QTMAN: variants seen among roughly 807,000 people sequenced by gnomAD.
The protein encoded by QTMAN is queuosine-tRNA mannosyltransferase, also known as tRNA-queuosine alpha-mannosyltransferase.
At chr2:143,955,291 T>C in the QTMAN span, among the ~76,000 whole-genome samples, 1 of 152,312 alleles carries the variant, frequency 6.6e-6, no homozygotes, top group African/African-American at 2.4e-5. Context: ...AAAACATTGC[T>C]GCTTTAAGGG....
the QTMAN span, among the ~76,000 whole-genome samples, chr2:144,298,609 G>A: frequency 6.6e-6 from 1 of 152,170 alleles, no homozygotes; most frequent in Admixed American, 6.5e-5. Context: ...CCCAGCACCA[G>A]CCACTGTCAG....
At chr2:143,977,270 C>A in the QTMAN span, among the ~76,000 whole-genome samples, 23 of 152,072 alleles carry the variant, frequency 1.5e-4, no homozygotes, top group Non-Finnish European at 2.9e-5. Context: ...AAGGAGCAGT[C>A]TTCTTGGTGT....
the QTMAN span, among the ~76,000 whole-genome samples, chr2:144,329,928 G>A: frequency 1.3e-5 from 2 of 152,118 alleles, no homozygotes; most frequent in Non-Finnish European, 1.5e-5. Context: ...GGACATAGCC[G>A]AACTTTCACG....
At chr2:144,012,906 T>C in the QTMAN span, among the ~76,000 whole-genome samples, 5 of 152,060 alleles carry the variant, frequency 3.3e-5, no homozygotes, top group Non-Finnish European at 7.4e-5. Context: ...CTGGCCTACA[T>C]ATGGGGCAGA....
At chr2:144,090,487 G>C in the QTMAN span, among the ~76,000 whole-genome samples, 1 of 151,784 alleles carries the variant, frequency 6.6e-6, no homozygotes, top group African/African-American at 2.4e-5. Flanking sequence ...ACAAAAAAAA[G>C]TTATTTTTAA....
the QTMAN span, among the ~76,000 whole-genome samples, chr2:144,016,947 C>T: frequency 6.6e-5 from 10 of 151,374 alleles, no homozygotes; most frequent in Admixed American, 2.6e-4. Flanking sequence ...TCAAAACTGA[C>T]GAGAAAATTT....
chr2:144,326,006 A>G, the QTMAN span, among the ~76,000 whole-genome samples: 3 of 152,260 alleles, frequency 2.0e-5, no homozygotes, highest in African/African-American at 7.2e-5. Flanking sequence ...TATAGAGAAC[A>G]AAATCAGAGG....
the QTMAN span, among the ~76,000 whole-genome samples, chr2:144,236,766 A>G: frequency 6.6e-6 from 1 of 152,156 alleles, no homozygotes; most frequent in East Asian, 1.9e-4. Context: ...TAGTAATCCC[A>G]GAGTCAGAAT....
the QTMAN span, among the ~76,000 whole-genome samples, chr2:144,135,605 C>A: frequency 6.6e-6 from 1 of 151,974 alleles, no homozygotes; most frequent in Non-Finnish European, 1.5e-5. Flanking sequence ...CTTTCAAAAG[C>A]CTTGAGCGCT....
chr2:144,232,304 C>G, the QTMAN span, among the ~76,000 whole-genome samples: 2 of 151,384 alleles, frequency 1.3e-5, no homozygotes, highest in Non-Finnish European at 3.0e-5. Flanking sequence ...TGATACACCT[C>G]TGTTTTACAA....
chr2:144,101,959 T>A, the QTMAN span, among the ~76,000 whole-genome samples: 1 of 152,216 alleles, frequency 6.6e-6, no homozygotes, highest in Non-Finnish European at 1.5e-5. Context: ...CTTGAGCATC[T>A]ACCATATGTG....
the QTMAN span, among the ~76,000 whole-genome samples, chr2:144,070,683 G>A: frequency 6.6e-6 from 1 of 152,160 alleles, no homozygotes; most frequent in Non-Finnish European, 1.5e-5. Context: ...TGTTTTGGAA[G>A]TTAGATAATC....
At chr2:143,947,411 T>C in the QTMAN span, among the ~76,000 whole-genome samples, 1 of 152,302 alleles carries the variant, frequency 6.6e-6, no homozygotes, top group Middle Eastern at 3.4e-3. Flanking sequence ...GTTTATGTTA[T>C]GAATGACAAC....
At chr2:144,194,044 G>A in the QTMAN span, among the ~76,000 whole-genome samples, 1 of 152,004 alleles carries the variant, frequency 6.6e-6, no homozygotes, top group Non-Finnish European at 1.5e-5. Context: ...TTTTTAAAAA[G>A]TATTAATTCT....
At chr2:144,145,689 C>A in the QTMAN span, 2 of 1,611,442 alleles carry the variant, frequency 1.2e-6, no homozygotes, top group Non-Finnish European at 1.7e-6. Context: ...AAGGTCAGGC[C>A]GAAGGGCAGC....
At chr2:143,982,989 G>C in the QTMAN span, among the ~76,000 whole-genome samples, 1 of 151,826 alleles carries the variant, frequency 6.6e-6, no homozygotes, top group African/African-American at 2.4e-5. Context: ...CCAACAGGTA[G>C]AAAAGAAGCT....
At chr2:144,109,870 T>A in the QTMAN span, among the ~76,000 whole-genome samples, 4 of 152,102 alleles carry the variant, frequency 2.6e-5, no homozygotes, top group Non-Finnish European at 5.9e-5. Context: ...AGAATGGTGA[T>A]CATTAAAAGG....
chr2:144,328,388 T>C, the QTMAN span, among the ~76,000 whole-genome samples: 2 of 152,248 alleles, frequency 1.3e-5, no homozygotes, highest in South Asian at 4.1e-4. Context: ...TATAACTATT[T>C]TGAAATATTC....
chr2:144,184,711 A>C, the QTMAN span, among the ~76,000 whole-genome samples: 1 of 152,152 alleles, frequency 6.6e-6, no homozygotes, highest in South Asian at 2.1e-4. Context: ...TTAGCACTTA[A>C]AATTATTTTC....
Sources: gnomAD v4.1 joint callset for allele counts (sites outside exome capture counted in the v4.1 genomes callset) on GRCh38, gnomAD v4.1.1 for gene constraint, MANE v1.5 for transcripts, NCBI Gene and HGNC (gene_info 2026-07-23, HGNC 2026-07-21) for gene names.